The following MARK4 variants were observed in gnomAD, a reference collection of about 807,000 sequenced individuals.
MARK4 encodes microtubule affinity regulating kinase 4.
MARK4 carries 19 observed loss-of-function variants against 81.5 expected under a neutral mutation model. The ratio of observed to expected loss-of-function variants is 0.23; its 90% confidence interval spans 0.16 to 0.34. The LOEUF (loss-of-function observed/expected upper bound fraction) is 0.34, where lower values mean the gene tolerates loss of function less well. Ranked by LOEUF, MARK4 falls within the 10% of genes least tolerant of loss-of-function variation. The probability of loss-of-function intolerance (pLI) is 1.00; values close to 1 mark genes in which losing one functional copy is unlikely to be tolerated. For missense variants in MARK4, 772 were observed against 1,058.8 expected (o/e 0.73, Z 3.76); for synonymous variants, 436 against 439.0 (o/e 0.99, Z 0.08).
At position 45,280,717 on chromosome 19, in the gene MARK4, G is replaced by A. The variant is rs1336065779; in HGVS notation, c.1259G>A (p.Arg420His). ...RSSSSTYHRQ[R>H]RHSDFCGPSP... ...TCCTCTTCCACCTACCACCGCCAGC[G>A]CAGGCATAGCGATTTCTGTGAGTAT... Residue 420 changes from arginine to histidine, a missense_variant, in exon 12 of 17, where the codon CGC (arginine) becomes CAC (histidine). Coordinates refer to ENST00000262891, the MANE Select transcript of MARK4 (RefSeq NM_001199867.2). The A allele has an allele frequency of 2.5e-6, 4 of 1,613,974 alleles. No homozygotes were observed. Among genetic ancestry groups the A allele is most frequent in the African/African-American group, 1.3e-5 (1 of 74,900 alleles).
chr19:45,260,172 C>A lies in MARK4; in HGVS notation c.252+983C>A, dbSNP rs185318513. Among the ~76,000 whole-genome samples the A allele has an allele frequency of 5.1e-4, 77 of 151,742 alleles. 1 individual carries two copies. Among genetic ancestry groups the A allele is most frequent in the African/African-American group, 1.8e-3 (75 of 41,340 alleles). On this transcript the variant is annotated intron_variant, in intron 2 of 16. Transcript: ENST00000262891. The stretch of plus-strand genomic sequence containing the variant: ...TGGGAGGCCAAGGCAAGTGGATCAC[C>A]TGAGGTCAGGAGTTCAAGACCAGCC...
intron 1 of MARK4, among the ~76,000 whole-genome samples, chr19:45,252,805 T>A (rs1008614746): frequency 1.3e-5 from 2 of 152,132 alleles, no homozygotes; most frequent in African/African-American, 4.8e-5. Context: ...TTTATTCATC[T>A]GGGCTGCTCC....
At position 45,280,494 on chromosome 19, in the gene MARK4, G is replaced by A. The variant is rs377383312; in HGVS notation, c.1116+11G>A. 1.5e-5 allele frequency: 24 copies of A among 1,613,946 alleles called. No individual in the cohort carries two copies. The highest frequency in any genetic ancestry group is 1.1e-4 in the African/African-American group (8 of 74,926). On this transcript the variant is annotated intron_variant, in intron 11 of 16. Coordinates refer to ENST00000262891, the MANE Select transcript of MARK4 (RefSeq NM_001199867.2). ...GGCAGGAAGACTGAGGTCAGGGGGC[G>A]CCAGGGGCCCTTGGGGACGCGTGAT...
intron 12 of MARK4, among the ~76,000 whole-genome samples, chr19:45,286,149 A>G (rs1387936139): frequency 1.3e-5 from 2 of 152,018 alleles, no homozygotes; most frequent in East Asian, 3.9e-4. Flanking sequence ...TCTGCCTCCC[A>G]GGTTCAAGCG....
At chr19:45,273,138 T>G (rs1181856465) in intron 8 of MARK4, among the ~76,000 whole-genome samples, 1 of 151,888 alleles carries the variant, frequency 6.6e-6, no homozygotes, top group Non-Finnish European at 1.5e-5. Flanking sequence ...GCTTGCTTTT[T>G]TTTTTTCCCC....
At chr19:45,278,650 A>C (rs1362997169) in intron 10 of MARK4, 35 bp downstream of exon 10, 1 of 1,523,070 alleles carries the variant, frequency 6.6e-7, no homozygotes, top group Non-Finnish European at 9.1e-7. Context: ...GTCACCCAGG[A>C]TGGAGTGCAG....
intron 14 of MARK4, among the ~76,000 whole-genome samples, chr19:45,297,080 T>C (rs1476937508): frequency 6.8e-6 from 1 of 146,856 alleles, no homozygotes; most frequent in Non-Finnish European, 1.5e-5. Flanking sequence ...TAGCCAGGCA[T>C]GGTGGCACAC....
At chr19:45,288,238 T>G (rs2123092069) in intron 13 of MARK4, 1 of 148,852 alleles carries the variant, frequency 6.7e-6, no homozygotes, top group East Asian at 2.0e-4. Context: ...AATAAATCAA[T>G]AAATAAAATA....
At chr19:45,255,406 C>T (rs1029792435) in intron 1 of MARK4, among the ~76,000 whole-genome samples, 14 of 151,692 alleles carry the variant, frequency 9.2e-5, no homozygotes. Context: ...ACTAAAAATA[C>T]AAAAATTAGA....
chr19:45,283,236 C>T (rs1258816128), intron 12 of MARK4, among the ~76,000 whole-genome samples: 1 of 151,762 alleles, frequency 6.6e-6, no homozygotes, highest in Admixed American at 6.6e-5. Flanking sequence ...GGCGAAACCC[C>T]ATCTCCACTA....
intron 8 of MARK4, 77 bp from the exon 9 acceptor site, chr19:45,277,846 T>C (rs1970620587): frequency 7.5e-7 from 1 of 1,330,392 alleles, no homozygotes; most frequent in African/African-American, 1.5e-5. Context: ...TGTGTGTGTG[T>C]GTGTGTGTGT....
rs922306204 is a variant in MARK4, at chr19:45,280,615, G to A, written c.1157G>A (p.Arg386Gln). ...GGCGCCCCAGGGCTGGCCCTGGCACGGGTGCGGGCGCCCAGCGACACCACC... is the reference window on the plus strand; with the variant it reads ...GGCGCCCCAGGGCTGGCCCTGGCACAGGTGCGGGCGCCCAGCGACACCACC... ...DRGAPGLALARVRAPSDTTNG... is the reference protein window; with the variant it reads ...DRGAPGLALAQVRAPSDTTNG... Residue 386 changes from arginine (R) to glutamine (Q), a missense_variant, in exon 12 of 17, where the codon CGG becomes CAG. Coordinates refer to ENST00000262891, the MANE Select transcript of MARK4 (RefSeq NM_001199867.2). 4.3e-6 allele frequency: 7 copies of A among 1,613,906 alleles called. No homozygotes were observed. The highest frequency in any genetic ancestry group is 1.1e-5 in the South Asian group (1 of 91,080).
chr19:45,265,267 A>G (rs1404582032), intron 6 of MARK4, among the ~76,000 whole-genome samples: 1 of 151,476 alleles, frequency 6.6e-6, no homozygotes, highest in Non-Finnish European at 1.5e-5. Flanking sequence ...GTGTGATTCA[A>G]AAGATGTGTG....
At position 45,271,850 on chromosome 19, in the gene MARK4, A is replaced by G; in HGVS notation, c.786+142A>G. 1 of 811,684 alleles carries G rather than the reference A, an allele frequency of 1.2e-6. No homozygotes were observed. The highest frequency in any genetic ancestry group is 2.0e-6 in the Non-Finnish European group (1 of 512,446). 50.3% of individuals were successfully genotyped at this position (811,684 alleles called of 1,614,324 possible). A position where few individuals can be genotyped will look rare whatever the true frequency, so the allele number is the denominator to read the frequency against. Reference sequence around the variant, plus strand: ...GAAGATGGGGGATGGGCAGGATTCAAGTCCCCTCTGCAGTGAGGCCAGCCG... The same window carrying G: ...GAAGATGGGGGATGGGCAGGATTCAGGTCCCCTCTGCAGTGAGGCCAGCCG... On this transcript the variant is annotated intron_variant, in intron 8 of 16. Coordinates refer to ENST00000262891, the MANE Select transcript of MARK4 (RefSeq NM_001199867.2). This position sits in a 1 kb window ranked among gnomAD's most constrained non-coding sequence, Gnocchi z 4.1.
intron 7 of MARK4, among the ~76,000 whole-genome samples, chr19:45,270,337 T>G (rs1716658070): frequency 6.6e-6 from 1 of 151,990 alleles, no homozygotes; most frequent in Non-Finnish European, 1.5e-5. Context: ...TCTCCGAGAG[T>G]CTGTCGTTTC....
At chr19:45,278,828 C>G (rs1490487023) in intron 10 of MARK4, among the ~76,000 whole-genome samples, 1 of 152,204 alleles carries the variant, frequency 6.6e-6, no homozygotes, top group East Asian at 1.9e-4. Context: ...TGGTCTCAAA[C>G]TCCTGACCTC....
rs1003414228 is a variant in MARK4, at chr19:45,302,954, C to T, written c.*244C>T. The T allele has an allele frequency of 4.9e-6, 3 of 613,674 alleles. No individual in the cohort carries two copies. Among genetic ancestry groups the T allele is most frequent in the African/African-American group, 3.8e-5 (2 of 52,652 alleles). 38.0% of individuals were successfully genotyped at this position (613,674 alleles called of 1,614,324 possible). A position where few individuals can be genotyped will look rare whatever the true frequency, so the allele number is the denominator to read the frequency against. On this transcript the variant is annotated 3_prime_UTR_variant, in exon 17 of 17. Coordinates refer to ENST00000262891, the MANE Select transcript of MARK4 (RefSeq NM_001199867.2). This position sits in a 1 kb window ranked among gnomAD's most constrained non-coding sequence, Gnocchi z 4.9. ...GCCTCCAGCCAGTCCTGTCCTCCCT[C>T]GCCCTACCAAGAGGGCACCTGAGGA...
chr19:45,266,984 A>G (rs955064891), intron 7 of MARK4, among the ~76,000 whole-genome samples: 1 of 151,992 alleles, frequency 6.6e-6, no homozygotes, highest in South Asian at 2.1e-4. Flanking sequence ...CGCCCGCCTC[A>G]GCCTCCCAAA....
chr19:45,292,673 T>C (rs542570880), intron 13 of MARK4, among the ~76,000 whole-genome samples: 8 of 151,404 alleles, frequency 5.3e-5, no homozygotes, highest in Non-Finnish European at 1.0e-4. Context: ...GCCCAGGAGT[T>C]CAAGACCAGC....
Sources: allele counts gnomAD v4.1 joint callset (sites outside exome capture counted in the v4.1 genomes callset), GRCh38; gene constraint gnomAD v4.1.1; non-coding constraint Gnocchi (gnomAD v3.1); transcripts MANE v1.5; gene names NCBI Gene and HGNC (gene_info 2026-07-23, HGNC 2026-07-21).